The following DCC variants were observed in gnomAD, a reference collection of about 807,000 sequenced individuals.
DCC encodes netrin receptor DCC.
DCC carries 58 observed loss-of-function variants against 172.5 expected under a neutral mutation model. That is an observed-to-expected ratio of 0.34 (90% CI 0.27 to 0.42). The LOEUF is 0.42. Ranked by LOEUF, DCC falls within the 10% of genes least tolerant of loss-of-function variation. The pLI, the probability that DCC is intolerant of heterozygous loss-of-function variation, is 1.00. For synonymous variants in DCC, 709 were observed against 644.5 expected, an observed-to-expected ratio of 1.10 and a Z score of -1.52; for missense variants, 1,740 against 1,791.0, an observed-to-expected ratio of 0.97 and a Z score of 0.51.
intron 7 of DCC, among the ~76,000 whole-genome samples, chr18:53,094,235 G>A (rs2043052696): frequency 6.6e-6 from 1 of 152,152 alleles, no homozygotes; most frequent in Admixed American, 6.5e-5. Context: ...AACTTGTATT[G>A]CTTTAGATGT....
chr18:53,409,149 G>A (rs939546456), intron 19 of DCC, among the ~76,000 whole-genome samples: 1 of 152,132 alleles, frequency 6.6e-6, no homozygotes, highest in Non-Finnish European at 1.5e-5. Flanking sequence ...GAATGGTGTG[G>A]GAATAAGCGG....
At chr18:52,920,789 A>G (rs2040112377) in intron 3 of DCC, among the ~76,000 whole-genome samples, 1 of 152,186 alleles carries the variant, frequency 6.6e-6, no homozygotes, top group South Asian at 2.1e-4. Context: ...GTATTCTTCA[A>G]TAGACGAATG....
chr18:52,834,548 CT>C (rs2038669876), intron 2 of DCC, among the ~76,000 whole-genome samples: 2 of 152,116 alleles, frequency 1.3e-5, no homozygotes, highest in African/African-American at 4.8e-5. Context: ...GTGAGCTCGT[CT>C]GGGGTGTTAC....
intron 2 of DCC, among the ~76,000 whole-genome samples, chr18:52,838,445 T>A (rs1277165482): frequency 2.0e-5 from 3 of 152,130 alleles, no homozygotes; most frequent in Admixed American, 2.0e-4. Flanking sequence ...TCTACAGTTG[T>A]ACACAATGTC....
chr18:53,197,879 T>C (rs1390710165), intron 9 of DCC, among the ~76,000 whole-genome samples: 2 of 152,118 alleles, frequency 1.3e-5, no homozygotes, highest in Non-Finnish European at 2.9e-5. Context: ...AAAAAGTGTA[T>C]TAATTCATAT....
At chr18:53,335,409 A>G (rs2057580801) in intron 14 of DCC, among the ~76,000 whole-genome samples, 1 of 152,168 alleles carries the variant, frequency 6.6e-6, no homozygotes, top group Non-Finnish European at 1.5e-5. Context: ...TATATAGGAG[A>G]TGCATAGTAG....
chr18:52,515,928 G>GAAAAAAA (rs34820684), intron 1 of DCC, among the ~76,000 whole-genome samples: 7 of 115,032 alleles, frequency 6.1e-5, no homozygotes, highest in Non-Finnish European at 1.2e-4. Context: ...TTAGAAAATG[G>GAAAAAAA]AAAAAAAAAA....
chr18:53,173,050 C>G (rs1206687872), intron 8 of DCC, among the ~76,000 whole-genome samples: 2 of 151,918 alleles, frequency 1.3e-5, no homozygotes, highest in African/African-American at 2.4e-5. Flanking sequence ...AGCAAAAATC[C>G]CCATCTCCAT....
intron 27 of DCC, among the ~76,000 whole-genome samples, chr18:53,511,733 G>T (rs550866289): frequency 7.2e-5 from 11 of 152,334 alleles, no homozygotes; most frequent in African/African-American, 2.6e-4. Flanking sequence ...ACTCCCACCC[G>T]AATACTGGGC....
chr18:52,418,858 C>CTTTTTTTTTTTT (rs11313758), intron 1 of DCC, among the ~76,000 whole-genome samples: 11 of 93,000 alleles, frequency 1.2e-4, no homozygotes, highest in South Asian at 3.7e-4. Flanking sequence ...TTCTTTCTTT[C>CTTTTTTTTTTTT]TTTTTTTTTT....
rs578073015 is a variant in DCC at position 52,920,763 on chromosome 18, A to G, written c.698-2944A>G. Among the ~76,000 whole-genome samples the G allele has an allele frequency of 7.2e-5, 11 of 152,300 alleles. 1 individual carries two copies. The South Asian group carries it at 2.3e-3, about 32-fold the overall frequency. On this transcript the variant is annotated intron_variant, in intron 3 of 28. Coordinates refer to ENST00000442544, the MANE Select transcript of DCC (RefSeq NM_005215.4). ...GCAGATTTGTTTATAATCACCAAAA[A>G]CTGGAAGCCACCAAGGTATTCTTCA...
At chr18:53,382,384 G>T (rs77398512) in intron 15 of DCC, among the ~76,000 whole-genome samples, 1 of 151,962 alleles carries the variant, frequency 6.6e-6, no homozygotes, top group African/African-American at 2.4e-5. Flanking sequence ...CTACCTAATT[G>T]TATTTTCACC....
chr18:52,941,008 A>T (rs1278785239), intron 5 of DCC: 1 of 152,168 alleles, frequency 6.6e-6, no homozygotes, highest in East Asian at 1.9e-4. Flanking sequence ...GGAATGAAAT[A>T]TTATAGTAAG....
Position 52,814,409 on chromosome 18 carries a change from C to G in DCC, c.412+62035C>G, listed in dbSNP as rs184772102. On this transcript the variant is annotated intron_variant, in intron 2 of 28. Coordinates refer to ENST00000442544, the MANE Select transcript of DCC (RefSeq NM_005215.4). Reference sequence around the variant, plus strand: ...ACAAGCAGCTGAGCTTAGGTGCAGTCTCTCCTCTGGGAGAAAGAGAACTCT... The same window carrying G: ...ACAAGCAGCTGAGCTTAGGTGCAGTGTCTCCTCTGGGAGAAAGAGAACTCT... Among the ~76,000 whole-genome samples the G allele has an allele frequency of 9.8e-5, 15 of 152,302 alleles. No homozygotes were observed. The East Asian group carries it at 2.9e-3, about 29-fold the overall frequency.
intron 1 of DCC, among the ~76,000 whole-genome samples, chr18:52,515,928 G>A (rs80023555): frequency 0.074 from 8,544 of 114,952 alleles, 339 homozygotes; most frequent in Middle Eastern, 0.14. Context: ...TTAGAAAATG[G>A]AAAAAAAAAA....
intron 5 of DCC, among the ~76,000 whole-genome samples, chr18:53,016,794 A>T (rs2041813058): frequency 6.6e-6 from 1 of 152,302 alleles, no homozygotes; most frequent in Admixed American, 6.5e-5. Context: ...TTTGTTTTCA[A>T]AAGATTTTTT....
intron 2 of DCC, among the ~76,000 whole-genome samples, chr18:52,762,472 C>CAA (rs10545448): frequency 8.6e-5 from 12 of 139,438 alleles, no homozygotes; most frequent in Non-Finnish European, 1.1e-4. Context: ...GACCTTATCT[C>CAA]AAAAAAAAAA....
At chr18:52,387,169 G>A (rs192297104) in intron 1 of DCC, among the ~76,000 whole-genome samples, 4 of 152,260 alleles carry the variant, frequency 2.6e-5, no homozygotes, top group South Asian at 2.1e-4. Context: ...TATTGATCAT[G>A]TTCTTTGCTT....
chr18:52,551,757 C>T (rs1822240), intron 1 of DCC, among the ~76,000 whole-genome samples: 91,676 of 139,370 alleles, frequency 0.66, 36,529 homozygotes, highest in East Asian at 0.78. Flanking sequence ...CACACACACA[C>T]ACACACACAC....
Sources: allele counts gnomAD v4.1 joint callset (sites outside exome capture counted in the v4.1 genomes callset), GRCh38; gene constraint gnomAD v4.1.1; transcripts MANE v1.5; gene names NCBI Gene and HGNC (gene_info 2026-07-23, HGNC 2026-07-21).